Variants in DCAF1 observed in about 807,000 individuals in gnomAD.
DCAF1 encodes the protein DDB1 and CUL4 associated factor 1.
Under a neutral mutation model 128.0 loss-of-function variants are expected in DCAF1, and 15 were observed. That is an observed-to-expected ratio of 0.12 (90% CI 0.08 to 0.18). The LOEUF is 0.18. DCAF1 is among the 10% of genes least tolerant of loss of function. The pLI is 1.00. For synonymous variants in DCAF1, 610 were observed against 603.0 expected, an observed-to-expected ratio of 1.01 and a Z score of -0.17; for missense variants, 988 against 1,649.5, an observed-to-expected ratio of 0.60 and a Z score of 6.95.
At chr3:51,415,883 C>T (rs1698836087) in intron 18 of DCAF1, among the ~76,000 whole-genome samples, 1 of 152,090 alleles carries the variant, frequency 6.6e-6, no homozygotes, top group Admixed American at 6.5e-5. Flanking sequence ...TAAGTCTGGC[C>T]AGCTCCCAAC....
chr3:51,411,217 TA>T (rs1270719898), intron 23 of DCAF1, among the ~76,000 whole-genome samples: 1 of 146,512 alleles, frequency 6.8e-6, no homozygotes, highest in Non-Finnish European at 1.5e-5. Flanking sequence ...AATACGATAG[TA>T]GGGGGAAACA....
chr3:51,424,662 A>C (rs782750852), intron 13 of DCAF1, among the ~76,000 whole-genome samples: 11 of 152,246 alleles, frequency 7.2e-5, no homozygotes, highest in Non-Finnish European at 1.3e-4. Flanking sequence ...AATAAACTGC[A>C]GTATAGAAAT....
chr3:51,429,011 G>C (rs1337058400), intron 12 of DCAF1, among the ~76,000 whole-genome samples: 1 of 152,094 alleles, frequency 6.6e-6, no homozygotes, highest in East Asian at 1.9e-4. Context: ...AAGAAAAAAA[G>C]AAAGCTTTTT....
chr3:51,419,784 C>T lies in DCAF1; in HGVS notation c.3186G>A (p.Lys1062=). 6.2e-7 allele frequency: 1 copy of T among 1,614,028 alleles called. No individual in the cohort carries two copies. Among genetic ancestry groups the T allele is most frequent in the Non-Finnish European group, 8.5e-7 (1 of 1,179,888 alleles). The change falls in exon 15 of 25, where the codon AAG becomes AAA. Residue 1062 remains lysine, a synonymous_variant. Coordinates refer to ENST00000684031, the MANE Select transcript of DCAF1 (RefSeq NM_001387579.1). The part of the protein sequence containing the change: ...SRLNRRASFP[K]YGGVDGGCFD... The stretch of plus-strand genomic sequence containing the variant: ...AGCATCCGCCATCCACCCCTCCATA[C>T]TTTGGAAATGATGCCCTGCGGTTTA...
At chr3:51,500,234 T>G (rs182115032), upstream of DCAF1, among the ~76,000 whole-genome samples, 8 of 151,568 alleles carry the variant, frequency 5.3e-5, no homozygotes, top group East Asian at 1.6e-3. Context: ...GCATGAGCTC[T>G]TCGCCTGGCG....
chr3:51,410,089 A>G (rs868953212), intron 23 of DCAF1, among the ~76,000 whole-genome samples: 2 of 152,212 alleles, frequency 1.3e-5, no homozygotes, highest in Non-Finnish European at 2.9e-5. Context: ...GGAAAGCAGT[A>G]AAGGAAAGCC....
rs1701593897 is a variant in DCAF1, at chr3:51,443,861, C to A, written c.418G>T (p.Asp140Tyr). The A allele has an allele frequency of 6.2e-7, 1 of 1,610,742 alleles. No individual in the cohort carries two copies. The highest frequency in any genetic ancestry group is 8.5e-7 in the Non-Finnish European group (1 of 1,179,118). ...GTAGAATATGTCCTCAATGGTTGAT[C>A]GGCCTCTCGGGCCCATTTGAAAAGA... The part of the protein sequence containing the change: ...ENLFKWAREA[D>Y]QPLRTYSTGL... The change falls in exon 7 of 25, where the codon GAT becomes TAT. Residue 140 changes from aspartate to tyrosine, a missense_variant. Around this residue, in one of 11 missense-constraint regions of DCAF1, gnomAD observed 210 missense variants for 260.2 expected, o/e 0.81. Coordinates refer to ENST00000684031, the MANE Select transcript of DCAF1 (RefSeq NM_001387579.1).
chr3:51,418,242 C>A (rs1296271500), intron 16 of DCAF1, 44 bp from the exon 17 acceptor site: 1 of 1,568,308 alleles, frequency 6.4e-7, no homozygotes, highest in Admixed American at 2.0e-5. Context: ...TATTTACATA[C>A]ATGCAGATGT....
chr3:51,436,834 G>C (rs1290453002), intron 9 of DCAF1, among the ~76,000 whole-genome samples: 2 of 152,152 alleles, frequency 1.3e-5, no homozygotes, highest in Non-Finnish European at 1.5e-5. Context: ...AGTTTGCCTA[G>C]AGCATAATAG....
intron 6 of DCAF1, among the ~76,000 whole-genome samples, chr3:51,456,342 A>G (rs1226444841): frequency 6.6e-6 from 1 of 152,214 alleles, no homozygotes; most frequent in Non-Finnish European, 1.5e-5. Flanking sequence ...ACTGCAAGGA[A>G]GCAGTGAGAC....
intron 13 of DCAF1, among the ~76,000 whole-genome samples, chr3:51,424,785 G>A (rs1014614101): frequency 2.6e-5 from 4 of 152,112 alleles, no homozygotes; most frequent in African/African-American, 9.7e-5. Context: ...AACATGCAAA[G>A]CAGTATGACG....
chr3:51,450,846 C>G (rs1158962174), intron 6 of DCAF1, among the ~76,000 whole-genome samples: 1 of 151,718 alleles, frequency 6.6e-6, no homozygotes, highest in African/African-American at 2.4e-5. Flanking sequence ...AGTAATTAGA[C>G]ATAAAAAAGG....
At chr3:51,423,477 G>A (rs1439935018) in intron 13 of DCAF1, among the ~76,000 whole-genome samples, 3 of 150,986 alleles carry the variant, frequency 2.0e-5, no homozygotes, top group Non-Finnish European at 3.0e-5. Context: ...ACTCCAGCTC[G>A]GGCCACAGAG....
chr3:51,423,260 GGC>G (rs1699581724), intron 13 of DCAF1, among the ~76,000 whole-genome samples: 1 of 152,148 alleles, frequency 6.6e-6, no homozygotes, highest in Admixed American at 6.6e-5. Flanking sequence ...GGGAGGCTGA[GGC>G]GGGCAGATTG....
chr3:51,483,673 G>T, intron 3 of DCAF1, 46 bp downstream of exon 3: 1 of 1,269,674 alleles, frequency 7.9e-7, no homozygotes, highest in Non-Finnish European at 1.2e-6. Flanking sequence ...TATGAGTTGT[G>T]TCCGAGGTTT....
chr3:51,459,835 C>A (rs1471134351), intron 6 of DCAF1, among the ~76,000 whole-genome samples: 9 of 152,060 alleles, frequency 5.9e-5, no homozygotes, highest in East Asian at 3.9e-4. Flanking sequence ...GATGCAGAAA[C>A]GGCCTTTGAC....
intron 23 of DCAF1, among the ~76,000 whole-genome samples, chr3:51,408,858 A>T (rs1698142923): frequency 6.6e-6 from 1 of 152,240 alleles, no homozygotes; most frequent in Non-Finnish European, 1.5e-5. Context: ...AAAAGCTGTA[A>T]TATCAGTATG....
chr3:51,473,192 C>T (rs1704970049), intron 3 of DCAF1, among the ~76,000 whole-genome samples: 2 of 150,166 alleles, frequency 1.3e-5, no homozygotes, highest in South Asian at 4.2e-4. Flanking sequence ...AGGAGAATCG[C>T]TTGAACCCAG....
At chr3:51,424,360 A>C (rs1699715518) in intron 13 of DCAF1, among the ~76,000 whole-genome samples, 2 of 151,458 alleles carry the variant, frequency 1.3e-5, no homozygotes, top group African/African-American at 4.9e-5. Context: ...AGATTGCACC[A>C]CTACTGCACT....
Sources: gnomAD v4.1 joint callset for allele counts (sites outside exome capture counted in the v4.1 genomes callset) on GRCh38, gnomAD v4.1.1 for gene constraint, gnomAD v4.1.1 regional missense constraint, MANE v1.5 for transcripts, NCBI Gene and HGNC (gene_info 2026-07-23, HGNC 2026-07-21) for gene names.